PRKN: variants seen among roughly 807,000 people sequenced by gnomAD.
The protein encoded by PRKN is parkin RBR E3 ubiquitin protein ligase, also known as E3 ubiquitin-protein ligase parkin.
PRKN carries 56 observed loss-of-function variants against 59.5 expected under a neutral mutation model. The observed-to-expected ratio is 0.94, with a 90% confidence interval of 0.76 to 1.18. The LOEUF is 1.18. Among genes scored for constraint, PRKN ranks in the 50% most tolerant of loss-of-function variants. The probability of loss-of-function intolerance (pLI) is 0.00; values close to 1 mark genes in which losing one functional copy is unlikely to be tolerated. For synonymous variants in PRKN, 250 were observed against 222.1 expected, an observed-to-expected ratio of 1.13 and a Z score of -1.12; for missense variants, 657 against 596.4, an observed-to-expected ratio of 1.10 and a Z score of -1.06.
intron 6 of PRKN, among the ~76,000 whole-genome samples, chr6:161,813,104 G>C (rs1791626255): frequency 6.6e-6 from 1 of 152,240 alleles, no homozygotes; most frequent in South Asian, 2.1e-4. Context: ...AAGCAGGTGA[G>C]AGACTCGTAG....
intron 2 of PRKN, among the ~76,000 whole-genome samples, chr6:162,404,395 G>T (rs1787958977): frequency 1.3e-5 from 2 of 151,190 alleles, no homozygotes. Context: ...AAGAAAGAAA[G>T]AAAGAAAATC....
intron 5 of PRKN, among the ~76,000 whole-genome samples, chr6:162,038,201 G>A (rs1161903973): frequency 2.0e-5 from 3 of 151,912 alleles, no homozygotes; most frequent in Non-Finnish European, 4.4e-5. Context: ...AATTACAAAT[G>A]TTACAGTTTG....
At chr6:162,504,071 G>C (rs945644696) in intron 1 of PRKN, among the ~76,000 whole-genome samples, 8 of 69,168 alleles carry the variant, frequency 1.2e-4, no homozygotes, top group African/African-American at 1.6e-4. Flanking sequence ...AGAGGACACA[G>C]AGAGAGAGAG....
intron 1 of PRKN, among the ~76,000 whole-genome samples, chr6:162,703,186 T>C (rs544072416): frequency 3.3e-5 from 5 of 152,176 alleles, no homozygotes; most frequent in Non-Finnish European, 7.4e-5. Flanking sequence ...AAAATTAAGC[T>C]ATTGGATTTA....
chr6:162,182,890 C>T (rs1783858838), intron 4 of PRKN, among the ~76,000 whole-genome samples: 1 of 152,070 alleles, frequency 6.6e-6, no homozygotes, highest in Non-Finnish European at 1.5e-5. Context: ...TTGAAACGTT[C>T]AAGTAAACTA....
At chr6:161,705,665 C>A (rs535697855) in intron 7 of PRKN, among the ~76,000 whole-genome samples, 3 of 152,166 alleles carry the variant, frequency 2.0e-5, no homozygotes, top group South Asian at 2.1e-4. Flanking sequence ...AGTTCACTGG[C>A]TGCATTGAAT....
chr6:162,176,929 C>CT (rs5881458), intron 4 of PRKN, among the ~76,000 whole-genome samples: 30,133 of 145,424 alleles, frequency 0.21, 3,297 homozygotes, highest in South Asian at 0.38. Context: ...AATGAAATTC[C>CT]TTTTTTTTTT....
chr6:162,565,493 A>T (rs917076565), intron 1 of PRKN, among the ~76,000 whole-genome samples: 1 of 152,034 alleles, frequency 6.6e-6, no homozygotes, highest in Non-Finnish European at 1.5e-5. Context: ...AGTTGGAGAC[A>T]AGCCTGGCAA....
intron 7 of PRKN, among the ~76,000 whole-genome samples, chr6:161,743,991 GC>G (rs746445232): frequency 2.6e-5 from 4 of 152,010 alleles, no homozygotes; most frequent in Non-Finnish European, 5.9e-5. Context: ...GACTTCGGGG[GC>G]CTCTGAGAGG....
intron 1 of PRKN, among the ~76,000 whole-genome samples, chr6:162,482,887 G>T (rs1162865776): frequency 6.6e-6 from 1 of 151,998 alleles, no homozygotes; most frequent in South Asian, 2.1e-4. Flanking sequence ...CCAAACTGAC[G>T]CAGTCCAGCA....
chr6:162,282,377 T>A (rs1267570666), intron 2 of PRKN, among the ~76,000 whole-genome samples: 2 of 148,050 alleles, frequency 1.4e-5, no homozygotes, highest in Non-Finnish European at 3.0e-5. Flanking sequence ...GTGATAAAAA[T>A]GGAAACAATG....
At chr6:161,814,215 G>T (rs1425380486) in intron 6 of PRKN, among the ~76,000 whole-genome samples, 1 of 152,134 alleles carries the variant, frequency 6.6e-6, no homozygotes. Context: ...AATTAATATT[G>T]TGCTGTTTCC....
chr6:162,238,386 CAAG>C (rs772430988), intron 3 of PRKN, among the ~76,000 whole-genome samples: 187 of 152,268 alleles, frequency 1.2e-3, no homozygotes, highest in Admixed American at 6.1e-3. Flanking sequence ...GTTTGCACAA[CAAG>C]AAGATTGTCT....
intron 7 of PRKN, among the ~76,000 whole-genome samples, chr6:161,685,072 T>C (rs1785504444): frequency 6.6e-6 from 1 of 152,214 alleles, no homozygotes; most frequent in African/African-American, 2.4e-5. Context: ...ATCGAATACT[T>C]CTACAGAATA....
chr6:161,996,227 T>C (rs1410933268), intron 5 of PRKN, among the ~76,000 whole-genome samples: 1 of 151,428 alleles, frequency 6.6e-6, no homozygotes, highest in Non-Finnish European at 1.5e-5. Context: ...ACAAAAAGGG[T>C]GAAATCCTAT....
In PRKN at chr6:161,466,062, TTGTG is replaced by T. The variant is rs10546457; in HGVS notation, c.1084-79189_1084-79186del. Among the ~76,000 whole-genome samples, 2 of 150,794 alleles carry T rather than the reference TTGTG, an allele frequency of 1.3e-5. No individual in the cohort carries two copies. Among genetic ancestry groups the T allele is most frequent in the Non-Finnish European group, 3.0e-5 (2 of 67,524 alleles). ...CTTCTATCACCACACATAGTTATCTTTGTGTGTGTGTGTGTGTGTGTCTGTGTGG... is the reference window on the plus strand; with the variant it reads ...CTTCTATCACCACACATAGTTATCTTTGTGTGTGTGTGTGTGTCTGTGTGG... On this transcript the variant is annotated intron_variant, in intron 9 of 11. Transcript: ENST00000366898. The surrounding 1 kb of genome is among the most constrained non-coding windows in gnomAD (Gnocchi z 5.0).
At chr6:162,281,313 G>A (rs1780896142) in intron 2 of PRKN, among the ~76,000 whole-genome samples, 2 of 151,986 alleles carry the variant, frequency 1.3e-5, no homozygotes, top group African/African-American at 4.8e-5. Context: ...AATACCTAAT[G>A]TAAATGATGA....
chr6:161,387,741 C>T (rs1239684591), intron 9 of PRKN, among the ~76,000 whole-genome samples: 1 of 152,144 alleles, frequency 6.6e-6, no homozygotes, highest in African/African-American at 2.4e-5. Context: ...AACCGTGCCC[C>T]CACATAATGG....
intron 1 of PRKN, among the ~76,000 whole-genome samples, chr6:162,626,780 C>T (rs1184963409): frequency 6.7e-6 from 1 of 148,664 alleles, no homozygotes; most frequent in Non-Finnish European, 1.5e-5. Context: ...TGCCACTGCA[C>T]TCCAGCCTGG....
Sources: gnomAD v4.1 joint callset for allele counts (sites outside exome capture counted in the v4.1 genomes callset) on GRCh38, gnomAD v4.1.1 for gene constraint, Gnocchi (gnomAD v3.1) non-coding constraint, MANE v1.5 for transcripts, NCBI Gene and HGNC (gene_info 2026-07-23, HGNC 2026-07-21) for gene names.